JARID2: variants seen among roughly 807,000 people sequenced by gnomAD.
JARID2 encodes the protein jumonji and AT-rich interaction domain containing 2.
JARID2 carries 21 observed loss-of-function variants against 125.6 expected under a neutral mutation model. The ratio of observed to expected loss-of-function variants is 0.17; its 90% CI spans 0.12 to 0.24. The LOEUF is 0.24. Ranked by LOEUF, JARID2 falls within the 10% of genes least tolerant of loss-of-function variation. The pLI is 1.00. For synonymous variants in JARID2, 736 were observed against 661.6 expected (o/e 1.11, Z -1.73); for missense variants, 1,303 against 1,639.6 (o/e 0.79, Z 3.55).
intron 12 of JARID2, among the ~76,000 whole-genome samples, chr6:15,510,544 C>T (rs1223646379): frequency 6.6e-6 from 1 of 152,170 alleles, no homozygotes; most frequent in Non-Finnish European, 1.5e-5. Flanking sequence ...ATGGTTATAC[C>T]CTGGAGGGTC....
chr6:15,498,341 T>A (rs1770566420), intron 7 of JARID2, among the ~76,000 whole-genome samples: 1 of 152,212 alleles, frequency 6.6e-6, no homozygotes, highest in South Asian at 2.1e-4. Flanking sequence ...ATATCTGGGC[T>A]GTCATGCAGA....
intron 2 of JARID2, among the ~76,000 whole-genome samples, chr6:15,401,649 C>A (rs189369270): frequency 6.6e-6 from 1 of 152,230 alleles, no homozygotes; most frequent in East Asian, 1.9e-4. Context: ...TGGATTGAGA[C>A]CTTTAAACTT....
chr6:15,418,784 G>GA (rs1766354557), intron 3 of JARID2, among the ~76,000 whole-genome samples: 1 of 152,162 alleles, frequency 6.6e-6, no homozygotes, highest in African/African-American at 2.4e-5. Flanking sequence ...TGTACTCTGA[G>GA]ATATGACATG....
At chr6:15,414,963 T>C (rs1024046094) in intron 3 of JARID2, among the ~76,000 whole-genome samples, 35 of 152,214 alleles carry the variant, frequency 2.3e-4, no homozygotes, top group African/African-American at 6.8e-4. Context: ...ACCCTGCGGC[T>C]TTCCGCAGTG....
At chr6:15,460,822 A>G (rs1288204819) in intron 4 of JARID2, among the ~76,000 whole-genome samples, 1 of 152,160 alleles carries the variant, frequency 6.6e-6, no homozygotes, top group African/African-American at 2.4e-5. Flanking sequence ...CTCCTGTCTC[A>G]GCATCCTGAG....
intron 1 of JARID2, among the ~76,000 whole-genome samples, chr6:15,251,753 C>T (rs1236525208): frequency 1.9e-5 from 2 of 108,012 alleles, no homozygotes; most frequent in South Asian, 3.0e-4. Flanking sequence ...CTGAGGTGGG[C>T]GGATCATGAG....
At chr6:15,438,984 A>G (rs1767333358) in intron 3 of JARID2, among the ~76,000 whole-genome samples, 1 of 150,998 alleles carries the variant, frequency 6.6e-6, no homozygotes, top group South Asian at 2.1e-4. Flanking sequence ...GTGAGCTGAG[A>G]TCACGCCACT....
rs562190084 is a variant in JARID2 at position 15,510,540 on chromosome 6, A to G, written c.2847-756A>G. The stretch of plus-strand genomic sequence containing the variant: ...ACACTTGAGGACCCCTGCCATGGTT[A>G]TACCCTGGAGGGTCTGTGAGCCACC... On this transcript the variant is annotated intron_variant, in intron 12 of 17. Coordinates refer to ENST00000341776, the MANE Select transcript of JARID2 (RefSeq NM_004973.4). Among the ~76,000 whole-genome samples the G allele has an allele frequency of 1.1e-4, 16 of 152,254 alleles. No homozygotes were observed. The South Asian group carries it at 2.9e-3, about 28-fold the overall frequency.
At chr6:15,318,228 A>T (rs1342215281) in intron 1 of JARID2, among the ~76,000 whole-genome samples, 1 of 152,114 alleles carries the variant, frequency 6.6e-6, no homozygotes, top group East Asian at 1.9e-4. Flanking sequence ...AAAAAAGATT[A>T]AACAAATAGG....
At chr6:15,517,134 C>T (rs778838495) in intron 16 of JARID2, 27 bp from the exon 17 acceptor site, 8 of 1,571,286 alleles carry the variant, frequency 5.1e-6, no homozygotes, top group Non-Finnish European at 6.1e-6. Flanking sequence ...GCCTCCTGAC[C>T]TTCGGGTGTC....
intron 5 of JARID2, among the ~76,000 whole-genome samples, chr6:15,483,781 G>T (rs1363793106): frequency 6.6e-6 from 1 of 152,092 alleles, no homozygotes; most frequent in Non-Finnish European, 1.5e-5. Context: ...AATGGAATTG[G>T]TGGGTCATAT....
chr6:15,359,938 C>T (rs1408933914), intron 1 of JARID2, among the ~76,000 whole-genome samples: 3 of 152,106 alleles, frequency 2.0e-5, no homozygotes, highest in Admixed American at 6.5e-5. Context: ...CTATCTTCCT[C>T]GGCCTTCCAA....
rs901222375 is a variant in JARID2, at chr6:15,329,465, G to T, written c.46-44652G>T. 1.4e-3 allele frequency among the ~76,000 whole-genome samples: 217 copies of T among 152,300 alleles called. 2 individuals are homozygous for T. Among genetic ancestry groups the T allele is most frequent in the African/African-American group, 5.1e-3 (213 of 41,550 alleles). On this transcript the variant is annotated intron_variant, in intron 1 of 17. Transcript: ENST00000341776. ...AAACTAGCTCACAATTTTGCTGTTT[G>T]ACTCAGGGCAAGCTCACTGTAAATC...
chr6:15,424,253 C>T (rs1052010978), intron 3 of JARID2, among the ~76,000 whole-genome samples: 8 of 151,922 alleles, frequency 5.3e-5, no homozygotes, highest in African/African-American at 1.9e-4. Flanking sequence ...CAGTCATGAG[C>T]CACTGTGCCT....
intron 3 of JARID2, among the ~76,000 whole-genome samples, chr6:15,446,306 C>T (rs1000213097): frequency 2.0e-5 from 3 of 152,178 alleles, no homozygotes; most frequent in Non-Finnish European, 4.4e-5. Context: ...TGTATACCAA[C>T]AGAAGGGCAG....
rs199945772 is a variant in JARID2, at chr6:15,285,106, GT to G, written c.45+38543del. 8.5e-3 allele frequency among the ~76,000 whole-genome samples: 1,018 copies of G among 119,426 alleles called. 7 individuals are homozygous for G. The highest frequency in any genetic ancestry group is 0.022 in the East Asian group (92 of 4,212). 78.3% of individuals were successfully genotyped at this position (119,426 alleles called of 152,430 possible). A position where few individuals can be genotyped will look rare whatever the true frequency, so the allele number is the denominator to read the frequency against. On this transcript the variant is annotated intron_variant, in intron 1 of 17. Transcript: ENST00000341776. The stretch of plus-strand genomic sequence containing the variant: ...TTTGCATTAATGTGAGTCTTTCTGG[GT>G]TTTTTTTTTTTTTTTTTTTTGAAAG...
intron 4 of JARID2, among the ~76,000 whole-genome samples, chr6:15,460,545 A>T (rs1157812003): frequency 2.0e-5 from 3 of 152,194 alleles, no homozygotes; most frequent in African/African-American, 7.2e-5. Flanking sequence ...AAGGGGTTTC[A>T]TTTATAGCAC....
intron 16 of JARID2, among the ~76,000 whole-genome samples, chr6:15,513,737 G>A (rs764397698): frequency 5.9e-5 from 9 of 152,246 alleles, no homozygotes; most frequent in Non-Finnish European, 8.8e-5. Flanking sequence ...CAGCCCCCAC[G>A]CACTCTGCTC....
At chr6:15,370,011 G>A (rs894590924) in intron 1 of JARID2, among the ~76,000 whole-genome samples, 7 of 152,218 alleles carry the variant, frequency 4.6e-5, no homozygotes, top group African/African-American at 1.7e-4. Flanking sequence ...AGTGTTTTAT[G>A]AGGATAGCAG....
Sources: allele counts gnomAD v4.1 joint callset (sites outside exome capture counted in the v4.1 genomes callset), GRCh38; gene constraint gnomAD v4.1.1; transcripts MANE v1.5; gene names NCBI Gene and HGNC (gene_info 2026-07-23, HGNC 2026-07-21).